Variants in ZGPAT observed in about 807,000 individuals in gnomAD.
ZGPAT encodes the protein zinc finger CCCH-type with G patch domain-containing protein.
Under a neutral mutation model 47.9 loss-of-function variants are expected in ZGPAT, and 39 were observed. The ratio of observed to expected loss-of-function variants is 0.81; its 90% CI spans 0.63 to 1.06. ZGPAT has a LOEUF of 1.06. ZGPAT is among the 50% of genes least tolerant of loss of function. The pLI is 0.00. For missense variants in ZGPAT, 717 were observed against 681.4 expected (o/e 1.05, Z -0.58); for synonymous variants, 348 against 292.9 (o/e 1.19, Z -1.92).
chr20:63,709,295 C>T, intron 2 of ZGPAT, 131 bp downstream of exon 2: 1 of 974,580 alleles, frequency 1.0e-6, no homozygotes, highest in Admixed American at 2.0e-5. Flanking sequence ...GCTTTGACAG[C>T]TGTGTCTGTG....
At chr20:63,716,188 C>T (rs2091726678) in intron 2 of ZGPAT, among the ~76,000 whole-genome samples, 1 of 152,168 alleles carries the variant, frequency 6.6e-6, no homozygotes, top group Non-Finnish European at 1.5e-5. Context: ...CGCCAGCATA[C>T]CTGGCTAATT....
intron 5 of ZGPAT, 37 bp from the exon 6 acceptor site, chr20:63,735,122 C>CTA (rs1402438448): frequency 1.4e-5 from 21 of 1,484,418 alleles, no homozygotes; most frequent in Non-Finnish European, 9.8e-6. Flanking sequence ...TCCCGGGGTC[C>CTA]CGCAGCCACA....
At chr20:63,732,486 T>TGTGTGTGGGTGAGGGCGC (rs2091922472) in intron 2 of ZGPAT, among the ~76,000 whole-genome samples, 1 of 149,286 alleles carries the variant, frequency 6.7e-6, no homozygotes, top group African/African-American at 2.5e-5. Flanking sequence ...GGTGAGGGCG[T>TGTGTGTGGGTGAGGGCGC]ATGTGTGTGG....
intron 4 of ZGPAT, 55 bp downstream of exon 4, chr20:63,733,794 G>C (rs915363192): frequency 1.3e-6 from 2 of 1,558,354 alleles, no homozygotes; most frequent in Non-Finnish European, 1.7e-6. Context: ...ACCCTGAGAG[G>C]CTCCTGGCCG....
At chr20:63,727,155 C>G (rs1363114256) in intron 2 of ZGPAT, among the ~76,000 whole-genome samples, 1 of 152,074 alleles carries the variant, frequency 6.6e-6, no homozygotes, top group Admixed American at 6.6e-5. Context: ...CCTGTTCATC[C>G]TGCCCTCCCC....
chr20:63,721,978 A>G (rs1482283981), intron 2 of ZGPAT, among the ~76,000 whole-genome samples: 1 of 142,958 alleles, frequency 7.0e-6, no homozygotes, highest in Non-Finnish European at 1.5e-5. Flanking sequence ...GTGCCATTGC[A>G]CTCCAGCCTG....
At chr20:63,731,933 T>C (rs1242082183) in intron 2 of ZGPAT, among the ~76,000 whole-genome samples, 1 of 152,204 alleles carries the variant, frequency 6.6e-6, no homozygotes, top group East Asian at 1.9e-4. Flanking sequence ...AAGATGTGCG[T>C]AGGTTATATG....
intron 2 of ZGPAT, among the ~76,000 whole-genome samples, chr20:63,717,497 C>T (rs1311475518): frequency 6.6e-6 from 1 of 152,044 alleles, no homozygotes. Context: ...CAAGGTGTTT[C>T]TTTTTGAATG....
intron 2 of ZGPAT, among the ~76,000 whole-genome samples, chr20:63,710,545 C>T (rs1409806503): frequency 2.0e-5 from 3 of 152,204 alleles, no homozygotes; most frequent in African/African-American, 7.2e-5. Context: ...TTAGCATAAT[C>T]ACCGCCCACG....
intron 2 of ZGPAT, among the ~76,000 whole-genome samples, chr20:63,715,827 CAT>C (rs148206286): frequency 6.7e-6 from 1 of 148,502 alleles, no homozygotes; most frequent in Non-Finnish European, 1.5e-5. Context: ...TATATACAAT[CAT>C]ATATAGAGAG....
At chr20:63,716,740 T>C (rs998543521) in intron 2 of ZGPAT, among the ~76,000 whole-genome samples, 12 of 152,130 alleles carry the variant, frequency 7.9e-5, no homozygotes, top group African/African-American at 2.7e-4. Context: ...TGGAGTGCAG[T>C]GGTGCAATCT....
In ZGPAT at chr20:63,736,021, G is replaced by T; in HGVS notation, c.*102G>T. The T allele has an allele frequency of 1.3e-6, 2 of 1,493,842 alleles. No homozygotes were observed. The highest frequency in any genetic ancestry group is 2.8e-5 in the African/African-American group (2 of 71,634). The allele number at this position is 1,493,842 out of a possible 1,614,324, so 92.5% of individuals were successfully genotyped here. ...AGGGGCCGGCCTGCTGGCCTGGGGCGTGCAGACACTGCTGAGTGGAGACAG... is the reference window on the plus strand; with the variant it reads ...AGGGGCCGGCCTGCTGGCCTGGGGCTTGCAGACACTGCTGAGTGGAGACAG... On this transcript the variant is annotated 3_prime_UTR_variant, in exon 7 of 7. Coordinates refer to ENST00000355969, the MANE Select transcript of ZGPAT (RefSeq NM_181485.3).
chr20:63,716,967 C>A (rs894552797), intron 2 of ZGPAT, among the ~76,000 whole-genome samples: 5 of 152,210 alleles, frequency 3.3e-5, no homozygotes, highest in African/African-American at 1.2e-4. Context: ...TAGGCATGAG[C>A]CACCATGCCC....
chr20:63,714,316 C>T (rs1489272061), intron 2 of ZGPAT, among the ~76,000 whole-genome samples: 2 of 151,254 alleles, frequency 1.3e-5, no homozygotes, highest in Admixed American at 6.6e-5. Context: ...GTCCCAGCTA[C>T]TTGAGAGGGT....
intron 2 of ZGPAT, among the ~76,000 whole-genome samples, chr20:63,714,007 T>C (rs2091699751): frequency 6.6e-6 from 1 of 152,164 alleles, no homozygotes; most frequent in Non-Finnish European, 1.5e-5. Flanking sequence ...ATATATTCAA[T>C]ATATACAATT....
chr20:63,719,548 G>T (rs2091766255), intron 2 of ZGPAT, among the ~76,000 whole-genome samples: 1 of 151,736 alleles, frequency 6.6e-6, no homozygotes, highest in South Asian at 2.1e-4. Flanking sequence ...TCTCAAATCT[G>T]CTGTTGAAAC....
At chr20:63,712,024 A>G (rs1422446583) in intron 2 of ZGPAT, among the ~76,000 whole-genome samples, 1 of 152,170 alleles carries the variant, frequency 6.6e-6, no homozygotes, top group Non-Finnish European at 1.5e-5. Context: ...GATGCAGTGC[A>G]ATTTATTGTT....
intron 1 of ZGPAT, 193 bp downstream of exon 1, chr20:63,708,311 G>T (rs1342655414): frequency 8.2e-6 from 2 of 243,450 alleles, no homozygotes; most frequent in African/African-American, 4.5e-5. Context: ...AGGCGGCGGG[G>T]CGCCCCGCGG....
chr20:63,720,129 A>G (rs1006410704), intron 2 of ZGPAT, among the ~76,000 whole-genome samples: 2 of 151,228 alleles, frequency 1.3e-5, no homozygotes, highest in Non-Finnish European at 3.0e-5. Context: ...AGTTTCTATT[A>G]ATTTCTTTAT....
Sources: allele counts gnomAD v4.1 joint callset (sites outside exome capture counted in the v4.1 genomes callset), GRCh38; gene constraint gnomAD v4.1.1; transcripts MANE v1.5; gene names NCBI Gene and HGNC (gene_info 2026-07-23, HGNC 2026-07-21).